Variants in CKMT2 observed in about 807,000 individuals in gnomAD.
The protein encoded by CKMT2 is creatine kinase, mitochondrial 2.
CKMT2 carries 43 observed loss-of-function variants against 48.9 expected under a neutral mutation model. The ratio of observed to expected loss-of-function variants is 0.88; its 90% confidence interval spans 0.69 to 1.13. The LOEUF is 1.13. CKMT2 is among the 50% of genes most tolerant of loss of function. The pLI is 0.00. For synonymous variants in CKMT2, 206 were observed against 213.0 expected (o/e 0.97, Z 0.29); for missense variants, 472 against 555.4 (o/e 0.85, Z 1.51).
intron 8 of CKMT2, among the ~76,000 whole-genome samples, chr5:81,262,874 A>T (rs533790699): frequency 2.6e-5 from 4 of 152,326 alleles, no homozygotes; most frequent in Non-Finnish European, 5.9e-5. Context: ...ACAAATGCAC[A>T]CGTGTGTTTA....
chr5:81,258,579 C>T (rs780484168), intron 7 of CKMT2, among the ~76,000 whole-genome samples: 7 of 152,138 alleles, frequency 4.6e-5, no homozygotes, highest in Non-Finnish European at 8.8e-5. Flanking sequence ...ACCCCGGGGC[C>T]ACGGACCTGG....
In CKMT2 at chr5:81,233,328, A is replaced by G. The variant is rs923060798; in HGVS notation, c.-70A>G. On this transcript the variant is annotated 5_prime_UTR_variant, in exon 1 of 10. Transcript: ENST00000254035. ...GGCCCGACCAGCTCGCCCTGCATACACTTCTTGGCTGTGTGCGCTCAGCAG... is the reference window on the plus strand; with the variant it reads ...GGCCCGACCAGCTCGCCCTGCATACGCTTCTTGGCTGTGTGCGCTCAGCAG... The G allele has an allele frequency of 2.3e-5, 23 of 985,330 alleles. No individual in the cohort carries two copies. The African/African-American group carries it at 3.8e-4, about 16-fold the overall frequency. The allele number at this position is 985,330 out of a possible 1,614,324, so 61.0% of individuals were successfully genotyped here.
At chr5:81,236,720 T>G (rs1286441379) in intron 1 of CKMT2, among the ~76,000 whole-genome samples, 1 of 151,564 alleles carries the variant, frequency 6.6e-6, no homozygotes, top group Non-Finnish European at 1.5e-5. Context: ...AGGGGTGGAG[T>G]CTGGAAGAAG....
rs1757384302 is a variant in CKMT2, at chr5:81,266,313, T to C, written c.*55T>C. ...TGTCTGCTGGTACGACAGACATAAA[T>C]CTCTACTCTGAGAGTTTTTATACAC... On this transcript the variant is annotated 3_prime_UTR_variant, in exon 10 of 10. Coordinates refer to ENST00000254035, the MANE Select transcript of CKMT2 (RefSeq NM_001099735.2). The C allele has an allele frequency of 1.3e-6, 2 of 1,564,344 alleles. No homozygotes were observed. The highest frequency in any genetic ancestry group is 2.7e-5 in the African/African-American group (2 of 73,404).
At chr5:81,233,666 G>A (rs1259792752) in intron 1 of CKMT2, among the ~76,000 whole-genome samples, 1 of 151,652 alleles carries the variant, frequency 6.6e-6, no homozygotes, top group East Asian at 1.9e-4. Flanking sequence ...AATTTTTCTC[G>A]ATGGAAAAAA....
chr5:81,245,473 C>T (rs1452669406), intron 1 of CKMT2: 2 of 152,274 alleles, frequency 1.3e-5, no homozygotes, highest in Non-Finnish European at 2.9e-5. Context: ...GGTTCCCTCT[C>T]TCCTTTCCTC....
intron 8 of CKMT2, among the ~76,000 whole-genome samples, chr5:81,259,556 C>G (rs1424729385): frequency 2.0e-5 from 3 of 152,148 alleles, no homozygotes; most frequent in Non-Finnish European, 4.4e-5. Flanking sequence ...TTCTCCATCT[C>G]TCCTAGTTCA....
At chr5:81,259,811 CAACCAGACAAA>C (rs1230726661) in intron 8 of CKMT2, among the ~76,000 whole-genome samples, 30 of 152,194 alleles carry the variant, frequency 2.0e-4, no homozygotes, top group Non-Finnish European at 4.4e-5. Flanking sequence ...AATATTAGAT[CAACCAGACAAA>C]ATTAACAAGG....
chr5:81,242,643 T>A, intron 1 of CKMT2: 1 of 262,866 alleles, frequency 3.8e-6, no homozygotes, highest in Admixed American at 4.5e-5. Flanking sequence ...CGCTGAGATT[T>A]GTAGTGAGAA....
Position 81,266,174 on chromosome 5 carries a change from T to C in CKMT2, c.1176T>C (p.Asn392=), listed in dbSNP as rs369134253. 8.1e-6 allele frequency: 13 copies of C among 1,612,686 alleles called. No individual in the cohort carries two copies. The highest frequency in any genetic ancestry group is 1.6e-4 in the Middle Eastern group (1 of 6,074). ...TTCAGATAGTCATCGATGGAGTCAA[T>C]TACCTGGTGGATTGTGAAAAGAAGT... ...ELVQIVIDGV[N]YLVDCEKKLE... The change falls in exon 10 of 10, where the codon AAT becomes AAC. Residue 392 remains asparagine, a synonymous_variant. Coordinates refer to ENST00000254035, the MANE Select transcript of CKMT2 (RefSeq NM_001099735.2).
At chr5:81,247,607 T>C (rs9293841) in intron 1 of CKMT2, among the ~76,000 whole-genome samples, 27,141 of 152,254 alleles carry the variant, frequency 0.18, 2,752 homozygotes, top group Admixed American at 0.27. Context: ...GTGATTTCAT[T>C]GCAAGCCTTG....
chr5:81,252,184 T>C (rs1026796092), intron 2 of CKMT2: 1 of 171,244 alleles, frequency 5.8e-6, no homozygotes, highest in African/African-American at 2.4e-5. Context: ...GAGCAGAGTT[T>C]GAGTGGCATG....
At chr5:81,246,039 T>G (rs767762093) in intron 1 of CKMT2, among the ~76,000 whole-genome samples, 22 of 152,022 alleles carry the variant, frequency 1.4e-4, no homozygotes, top group Non-Finnish European at 3.1e-4. Context: ...CTGACTCACC[T>G]GGGTCTCAGC....
At position 81,266,272 on chromosome 5, in the gene CKMT2, C is replaced by T. The variant is rs1757382635; in HGVS notation, c.*14C>T. On this transcript the variant is annotated 3_prime_UTR_variant, in exon 10 of 10. Coordinates refer to ENST00000254035, the MANE Select transcript of CKMT2 (RefSeq NM_001099735.2). Reference sequence around the variant, plus strand: ...GGCAAAAAGTAAACTTTCCCTTTCCCAATTTATAAATAATCTGTCTGCTGG... The same window carrying T: ...GGCAAAAAGTAAACTTTCCCTTTCCTAATTTATAAATAATCTGTCTGCTGG... The T allele has an allele frequency of 6.2e-7, 1 of 1,611,472 alleles. No homozygotes were observed. Among genetic ancestry groups the T allele is most frequent in the Non-Finnish European group, 8.5e-7 (1 of 1,178,062 alleles).
chr5:81,260,248 A>G (rs1757167078), intron 8 of CKMT2, among the ~76,000 whole-genome samples: 1 of 152,194 alleles, frequency 6.6e-6, no homozygotes, highest in South Asian at 2.1e-4. Context: ...ATAGCAGCAA[A>G]TGCCCACAGG....
intron 1 of CKMT2, among the ~76,000 whole-genome samples, chr5:81,234,021 TAAAAAAA>T (rs536455571): frequency 3.3e-5 from 3 of 91,932 alleles, no homozygotes; most frequent in South Asian, 4.2e-4. Flanking sequence ...GGAGGTTAAT[TAAAAAAA>T]AAAAAAAAAA....
chr5:81,264,115 T>A (rs1006672202), intron 9 of CKMT2, among the ~76,000 whole-genome samples: 4 of 152,242 alleles, frequency 2.6e-5, no homozygotes, highest in Non-Finnish European at 5.9e-5. Flanking sequence ...ATAGCAACTA[T>A]GTTATGTGCT....
chr5:81,242,418 A>G, intron 1 of CKMT2: 1 of 513,138 alleles, frequency 1.9e-6, no homozygotes, highest in Non-Finnish European at 3.8e-6. Flanking sequence ...ACTGCAACCA[A>G]CCACTTTACA....
At position 81,263,496 on chromosome 5, in the gene CKMT2, A is replaced by G. The variant is rs1187806683; in HGVS notation, c.1020A>G (p.Pro340=). ...GTATTATCCCTTTGTCCTAGGACCC[A>G]CGCTTTTCTAAGATCCTGGAAAACC... ...HVRIPKLSKD[P]RFSKILENLR... The change falls in exon 9 of 10, where the codon CCA becomes CCG. Residue 340 remains proline, a synonymous_variant. Transcript: ENST00000254035. 1.2e-6 allele frequency: 2 copies of G among 1,612,666 alleles called. No individual in the cohort carries two copies. Among genetic ancestry groups the G allele is most frequent in the East Asian group, 4.5e-5 (2 of 44,844 alleles).
Sources: gnomAD v4.1 joint callset for allele counts (sites outside exome capture counted in the v4.1 genomes callset) on GRCh38, gnomAD v4.1.1 for gene constraint, MANE v1.5 for transcripts, NCBI Gene and HGNC (gene_info 2026-07-23, HGNC 2026-07-21) for gene names.